The following SLC44A5 variants were observed in gnomAD, a reference collection of about 807,000 sequenced individuals.
The protein encoded by SLC44A5 is choline transporter-like protein 5.
In SLC44A5, 57 loss-of-function variants were observed where a neutral mutation model predicts 101.8. The ratio of observed to expected loss-of-function variants is 0.56; its 90% confidence interval spans 0.45 to 0.70. The LOEUF is 0.70. SLC44A5 is among the 30% of genes least tolerant of loss of function. The pLI is 0.00. For missense variants in SLC44A5, 737 were observed against 853.1 expected (o/e 0.86, Z 1.70); for synonymous variants, 281 against 290.9 (o/e 0.97, Z 0.35).
At chr1:75,641,416 T>G in the SLC44A5 span, 1 of 1,098,144 alleles carries the variant, frequency 9.1e-7, no homozygotes, top group Non-Finnish European at 1.4e-6. Context: ...CATTGCTTTG[T>G]GGAGAATAAG....
intron 6 of SLC44A5, among the ~76,000 whole-genome samples, chr1:75,262,999 A>C (rs1322845305): frequency 6.6e-6 from 1 of 152,240 alleles, no homozygotes; most frequent in Non-Finnish European, 1.5e-5. Flanking sequence ...TTAACGACTT[A>C]AAAATAAGAC....
chr1:75,418,944 A>C (rs894791864), intron 2 of SLC44A5, among the ~76,000 whole-genome samples: 1 of 152,168 alleles, frequency 6.6e-6, no homozygotes, highest in South Asian at 2.1e-4. Flanking sequence ...TGCCTAAGGG[A>C]AGGGGAGCAA....
chr1:75,694,459 C>T, the SLC44A5 span, among the ~76,000 whole-genome samples: 7 of 151,968 alleles, frequency 4.6e-5, no homozygotes, highest in Non-Finnish European at 2.9e-5. Flanking sequence ...TAGCATTTAT[C>T]ACTATTTTTA....
the SLC44A5 span, among the ~76,000 whole-genome samples, chr1:75,649,205 T>A: frequency 6.6e-6 from 1 of 152,272 alleles, no homozygotes; most frequent in Non-Finnish European, 1.5e-5. Context: ...ATTTTGCAAA[T>A]CTGGGCAGTT....
At chr1:75,460,880 A>G (rs1666458317) in intron 2 of SLC44A5, among the ~76,000 whole-genome samples, 2 of 152,190 alleles carry the variant, frequency 1.3e-5, no homozygotes, top group Admixed American at 1.3e-4. Context: ...TAGTTGGATA[A>G]TTGTTCACTT....
the SLC44A5 span, among the ~76,000 whole-genome samples, chr1:75,718,366 C>T: frequency 6.6e-6 from 1 of 152,076 alleles, no homozygotes; most frequent in African/African-American, 2.4e-5. Context: ...TACTAGGGGT[C>T]ATAGCAAAGG....
intron 8 of SLC44A5, among the ~76,000 whole-genome samples, 192 bp downstream of exon 8, chr1:75,242,694 A>G (rs1416469729): frequency 6.6e-6 from 1 of 152,104 alleles, no homozygotes; most frequent in East Asian, 1.9e-4. Flanking sequence ...TGACACCCCA[A>G]ATCTACAAAA....
At chr1:75,683,620 G>A in the SLC44A5 span, among the ~76,000 whole-genome samples, 39,800 of 152,078 alleles carry the variant, frequency 0.26, 6,487 homozygotes, top group East Asian at 0.68. Context: ...GTGGCGGAAG[G>A]GGGGAGGGAT....
intron 2 of SLC44A5, among the ~76,000 whole-genome samples, chr1:75,527,049 C>T (rs568649985): frequency 3.3e-5 from 5 of 150,980 alleles, no homozygotes; most frequent in Admixed American, 6.6e-5. Flanking sequence ...GCAGGAGAAT[C>T]GCTTGAAGCT....
chr1:75,495,038 C>T (rs1342368507), intron 2 of SLC44A5, among the ~76,000 whole-genome samples: 2 of 152,108 alleles, frequency 1.3e-5, no homozygotes, highest in Admixed American at 1.3e-4. Context: ...GGAGAGATGG[C>T]TGTCTTACCT....
chr1:75,452,034 C>G (rs944090036), intron 2 of SLC44A5, among the ~76,000 whole-genome samples: 1 of 152,078 alleles, frequency 6.6e-6, no homozygotes, highest in Non-Finnish European at 1.5e-5. Context: ...CATCCAGATA[C>G]AAGAAATCCA....
chr1:75,485,987 C>T (rs1206781741), intron 2 of SLC44A5, among the ~76,000 whole-genome samples: 1 of 152,190 alleles, frequency 6.6e-6, no homozygotes, highest in Non-Finnish European at 1.5e-5. Context: ...CCAGGCCTCT[C>T]TTCCAACATG....
At chr1:75,207,516 G>A (rs1382070272) in intron 23 of SLC44A5, among the ~76,000 whole-genome samples, 3 of 152,112 alleles carry the variant, frequency 2.0e-5, no homozygotes, top group Admixed American at 1.3e-4. Flanking sequence ...TAAGCCTCCC[G>A]CAGATATATA....
the SLC44A5 span, among the ~76,000 whole-genome samples, chr1:75,692,873 A>G: frequency 4.7e-4 from 71 of 152,166 alleles, no homozygotes; most frequent in Non-Finnish European, 9.8e-4. Context: ...CTTTAGCCAC[A>G]TCTCCCCTGG....
chr1:75,257,357 T>C (rs1650098094), intron 6 of SLC44A5, among the ~76,000 whole-genome samples: 1 of 152,138 alleles, frequency 6.6e-6, no homozygotes, highest in Admixed American at 6.5e-5. Flanking sequence ...AAGCATATAG[T>C]ACCCACTTGC....
chr1:75,404,909 A>T (rs1378553565), intron 2 of SLC44A5, among the ~76,000 whole-genome samples: 1 of 152,256 alleles, frequency 6.6e-6, no homozygotes, highest in Non-Finnish European at 1.5e-5. Context: ...GGCAAATTGG[A>T]TAAAGAGTCA....
At chr1:75,680,191 T>C in the SLC44A5 span, among the ~76,000 whole-genome samples, 1 of 151,898 alleles carries the variant, frequency 6.6e-6, no homozygotes, top group South Asian at 2.1e-4. Flanking sequence ...CTGTCAACAT[T>C]AGACAGATCA....
At chr1:75,461,981 C>A (rs542914827) in intron 2 of SLC44A5, among the ~76,000 whole-genome samples, 6 of 152,202 alleles carry the variant, frequency 3.9e-5, no homozygotes, top group African/African-American at 1.4e-4. Flanking sequence ...CAGGGAAGGA[C>A]GCAGGCCTGG....
At chr1:75,383,500 T>TAAAA (rs1661055921) in intron 3 of SLC44A5, among the ~76,000 whole-genome samples, 1 of 151,858 alleles carries the variant, frequency 6.6e-6, no homozygotes, top group Non-Finnish European at 1.5e-5. Context: ...AAGGGAAGTT[T>TAAAA]AGAGAAAAAA....
Sources: allele counts gnomAD v4.1 joint callset (sites outside exome capture counted in the v4.1 genomes callset), GRCh38; gene constraint gnomAD v4.1.1; transcripts MANE v1.5; gene names NCBI Gene and HGNC (gene_info 2026-07-23, HGNC 2026-07-21).